The following AP1S3 variants were observed in gnomAD, a reference collection of about 807,000 sequenced individuals.
AP1S3 encodes adaptor related protein complex 1 subunit sigma 3, also known as AP-1 complex subunit sigma-3.
A neutral mutation model predicts 20.9 loss-of-function variants in AP1S3; 10 were observed. The ratio of observed to expected loss-of-function variants is 0.48; its 90% confidence interval spans 0.29 to 0.81. The LOEUF is 0.81. Among genes scored for constraint, AP1S3 ranks in the 30% least tolerant of loss-of-function variants. The probability of loss-of-function intolerance (pLI) is 0.08; values close to 1 mark genes in which losing one functional copy is unlikely to be tolerated. For synonymous variants in AP1S3, 41 were observed against 61.5 expected (o/e 0.67, Z 1.56); for missense variants, 154 against 183.8 (o/e 0.84, Z 0.94).
intron 1 of AP1S3, among the ~76,000 whole-genome samples, chr2:223,813,867 G>A (rs142572680): frequency 6.6e-6 from 1 of 152,150 alleles, no homozygotes; most frequent in Admixed American, 6.5e-5. Context: ...CCCCAATGAG[G>A]CCAAAAGACA....
intron 3 of AP1S3, among the ~76,000 whole-genome samples, chr2:223,768,697 A>C (rs1411278911): frequency 6.6e-6 from 1 of 152,064 alleles, no homozygotes; most frequent in African/African-American, 2.4e-5. Flanking sequence ...TTTACTAAAA[A>C]TACAAAAATT....
chr2:223,786,667 C>T (rs1691085268), intron 1 of AP1S3, among the ~76,000 whole-genome samples: 1 of 151,484 alleles, frequency 6.6e-6, no homozygotes, highest in African/African-American at 2.4e-5. Context: ...TTTGGGAGGC[C>T]AAGGTGAGCA....
intron 1 of AP1S3, among the ~76,000 whole-genome samples, chr2:223,809,082 T>C (rs1038623790): frequency 2.0e-5 from 3 of 152,236 alleles, no homozygotes; most frequent in Non-Finnish European, 2.9e-5. Context: ...AATTGCTCCC[T>C]TACAATCTGT....
At chr2:223,765,176 ATC>A (rs1690447791) in intron 4 of AP1S3, 35 bp downstream of exon 4, 1 of 1,608,038 alleles carries the variant, frequency 6.2e-7, no homozygotes, top group East Asian at 2.2e-5. Context: ...CATCATCATC[ATC>A]ATCTTTCTCC....
rs1690185327 is a variant in AP1S3 at position 223,755,389 on chromosome 2, G to A, written c.*3326C>T. On this transcript the variant is annotated 3_prime_UTR_variant, in exon 5 of 5. Coordinates refer to ENST00000396654, the MANE Select transcript of AP1S3 (RefSeq NM_001039569.2). Reference sequence around the variant, plus strand: ...GTTTTATAGAAATTTAACATTTACTGTCTTTCTCTTGGTAGTTTTATAGTA... The same window carrying A: ...GTTTTATAGAAATTTAACATTTACTATCTTTCTCTTGGTAGTTTTATAGTA... Among the ~76,000 whole-genome samples the A allele has an allele frequency of 6.6e-6, 1 of 152,070 alleles. No homozygotes were observed. The highest frequency in any genetic ancestry group is 2.1e-4 in the South Asian group (1 of 4,826).
chr2:223,818,560 CT>C (rs200759443), intron 1 of AP1S3, among the ~76,000 whole-genome samples: 6 of 149,122 alleles, frequency 4.0e-5, no homozygotes, highest in East Asian at 2.0e-4. Context: ...AGCAAATTTT[CT>C]TTTTTTTTTG....
intron 4 of AP1S3, among the ~76,000 whole-genome samples, chr2:223,763,338 T>A (rs1574683998): frequency 1.3e-5 from 2 of 152,328 alleles, no homozygotes; most frequent in South Asian, 2.1e-4. Flanking sequence ...ACAACCTTTT[T>A]AAAACATTTC....
intron 1 of AP1S3, among the ~76,000 whole-genome samples, chr2:223,802,452 G>T (rs1691492482): frequency 6.6e-6 from 1 of 152,034 alleles, no homozygotes; most frequent in Admixed American, 6.6e-5. Flanking sequence ...ATAGGCACCT[G>T]CCAGCATACC....
chr2:223,804,805 T>C (rs1209756017), intron 1 of AP1S3, among the ~76,000 whole-genome samples: 1 of 152,134 alleles, frequency 6.6e-6, no homozygotes, highest in Non-Finnish European at 1.5e-5. Context: ...AGGATATTAA[T>C]GGTAAAATCT....
intron 1 of AP1S3, among the ~76,000 whole-genome samples, chr2:223,801,815 C>A (rs574466636): frequency 1.3e-5 from 2 of 152,108 alleles, no homozygotes; most frequent in African/African-American, 4.8e-5. Context: ...ACCATAAAAA[C>A]AAGCAGAGAG....
At chr2:223,832,533 G>C (rs891621248) in intron 1 of AP1S3, among the ~76,000 whole-genome samples, 2 of 151,816 alleles carry the variant, frequency 1.3e-5, no homozygotes, top group Non-Finnish European at 2.9e-5. Context: ...CAAAGCCCTC[G>C]ATCTTACACT....
In AP1S3 at chr2:223,777,881, G is replaced by T. The variant is rs534706153; in HGVS notation, c.4-12C>A. On this transcript the variant is annotated splice_polypyrimidine_tract_variant and intron_variant, in intron 1 of 4. Transcript: ENST00000396654. ...AATATGAAATGTATCTAGAACAAAG[G>T]ACACAAAAAACAGAACCTGATCAAC... The T allele has an allele frequency of 6.2e-7, 1 of 1,602,278 alleles. No individual in the cohort carries two copies.
intron 1 of AP1S3, among the ~76,000 whole-genome samples, chr2:223,783,803 G>C (rs373090340): frequency 1.3e-5 from 2 of 152,262 alleles, no homozygotes; most frequent in South Asian, 4.1e-4. Context: ...GGACTAGCTC[G>C]TATCTCAGGA....
At chr2:223,836,953 A>G (rs1176786805) in intron 1 of AP1S3, among the ~76,000 whole-genome samples, 5 of 152,058 alleles carry the variant, frequency 3.3e-5, no homozygotes, top group African/African-American at 4.8e-5. Context: ...AGCAGCTAGA[A>G]TGTCATGTCC....
At chr2:223,780,347 AGAGAGAGAGAGTGTGT>A (rs1397651724) in intron 1 of AP1S3, among the ~76,000 whole-genome samples, 78 of 89,362 alleles carry the variant, frequency 8.7e-4, no homozygotes, top group African/African-American at 3.5e-3. Flanking sequence ...AGAGAGAGAG[AGAGAGAGAGAGTGTGT>A]GTGTGTGTGT....
At chr2:223,810,022 G>A (rs867244865) in intron 1 of AP1S3, among the ~76,000 whole-genome samples, 1 of 151,794 alleles carries the variant, frequency 6.6e-6, no homozygotes, top group African/African-American at 2.4e-5. Flanking sequence ...CACCGTGCCC[G>A]GCCTATTTTA....
chr2:223,816,332 A>C (rs1268473210), intron 1 of AP1S3, among the ~76,000 whole-genome samples: 1 of 117,780 alleles, frequency 8.5e-6, no homozygotes, highest in Non-Finnish European at 1.8e-5. Context: ...TTCCTCCCCC[A>C]TGCTTCTGAA....
Position 223,837,457 on chromosome 2 carries a change from TG to T in AP1S3, c.-8del. ...GTTCCCCCGCACTCACCATCGTGGC[TG>T]GGCCGCCGCCTCCCCCGCCTTGCGA... On this transcript the variant is annotated 5_prime_UTR_variant, in exon 1 of 5. Coordinates refer to ENST00000396654, the MANE Select transcript of AP1S3 (RefSeq NM_001039569.2). The T allele has an allele frequency of 7.8e-7, 1 of 1,280,674 alleles. No individual in the cohort carries two copies. Among genetic ancestry groups the T allele is most frequent in the Non-Finnish European group, 9.9e-7 (1 of 1,011,916 alleles). 79.3% of individuals were successfully genotyped at this position (1,280,674 alleles called of 1,614,324 possible).
intron 1 of AP1S3, among the ~76,000 whole-genome samples, chr2:223,818,526 C>T (rs150467358): frequency 1.3e-5 from 2 of 151,892 alleles, no homozygotes; most frequent in African/African-American, 2.4e-5. Context: ...AAGCAATGTT[C>T]TTGGGAAAAG....
Sources: gnomAD v4.1 joint callset for allele counts (sites outside exome capture counted in the v4.1 genomes callset) on GRCh38, gnomAD v4.1.1 for gene constraint, MANE v1.5 for transcripts, NCBI Gene and HGNC (gene_info 2026-07-23, HGNC 2026-07-21) for gene names.